ADCY10: variants seen among roughly 807,000 people sequenced by gnomAD.
ADCY10 encodes the protein adenylate cyclase 10.
Under a neutral mutation model 183.3 loss-of-function variants are expected in ADCY10, and 156 were observed. The observed-to-expected ratio is 0.85, with a 90% confidence interval of 0.75 to 0.97. ADCY10 has a LOEUF of 0.97. ADCY10 is among the 50% of genes least tolerant of loss of function. The pLI, the probability that ADCY10 is intolerant of heterozygous loss-of-function variation, is 0.00. For missense variants in ADCY10, 1,745 were observed against 1,934.3 expected (o/e 0.90, Z 1.84); for synonymous variants, 645 against 670.0 (o/e 0.96, Z 0.58).
chr1:167,862,609 C>A (rs1045468623), intron 14 of ADCY10, among the ~76,000 whole-genome samples: 1 of 152,090 alleles, frequency 6.6e-6, no homozygotes, highest in South Asian at 2.1e-4. Flanking sequence ...ACAGAGGCCC[C>A]GGCTAGTGAA....
intron 9 of ADCY10, among the ~76,000 whole-genome samples, chr1:167,882,088 G>T (rs1225099165): frequency 6.6e-6 from 1 of 152,182 alleles, no homozygotes; most frequent in Non-Finnish European, 1.5e-5. Flanking sequence ...GTAATTAAGT[G>T]CTCTGCTTTT....
intron 6 of ADCY10, 123 bp downstream of exon 6, chr1:167,899,300 C>G: frequency 1.0e-6 from 1 of 964,388 alleles, no homozygotes; most frequent in South Asian, 1.4e-5. Flanking sequence ...CTAACCCAGA[C>G]TGACCCCATC....
At chr1:167,899,344 C>T (rs1017195678) in intron 6 of ADCY10, 79 bp downstream of exon 6, 20 of 1,402,016 alleles carry the variant, frequency 1.4e-5, no homozygotes, top group South Asian at 5.9e-5. Flanking sequence ...ATGAAACCAG[C>T]GTGCCCAGTG....
intron 21 of ADCY10, among the ~76,000 whole-genome samples, chr1:167,839,014 TCCATCTTCACTACAGCA>T (rs1293331511): frequency 6.6e-6 from 1 of 152,208 alleles, no homozygotes; most frequent in African/African-American, 2.4e-5. Context: ...TCGTCTTCTG[TCCATCTTCACTACAGCA>T]CCACCTCAGT....
intron 12 of ADCY10, among the ~76,000 whole-genome samples, chr1:167,876,843 C>A (rs751611651): frequency 1.3e-5 from 2 of 152,148 alleles, no homozygotes; most frequent in Non-Finnish European, 2.9e-5. Flanking sequence ...TAGGAAGAGG[C>A]TTGAAAAATG....
At chr1:167,855,517 G>A (rs1019026330) in intron 17 of ADCY10, among the ~76,000 whole-genome samples, 3 of 152,126 alleles carry the variant, frequency 2.0e-5, no homozygotes, top group Non-Finnish European at 2.9e-5. Flanking sequence ...GGTCTTTAAC[G>A]CTTACCAGTT....
At position 167,856,882 on chromosome 1, in the gene ADCY10, G is replaced by A. The variant is rs552918496; in HGVS notation, c.1897-443C>T. 3.3e-5 allele frequency among the ~76,000 whole-genome samples: 5 copies of A among 152,298 alleles called. No individual in the cohort carries two copies. In the East Asian group the frequency reaches 9.6e-4, roughly 29 times the overall value. On this transcript the variant is annotated intron_variant, in intron 16 of 32. Coordinates refer to ENST00000367851, the MANE Select transcript of ADCY10 (RefSeq NM_018417.6). ...CACATGCTTACTGAGCACCCCCTGG[G>A]CTAGGTGCTGAACAAAACTAGTCCT... is the stretch of plus-strand genomic sequence containing the variant.
At chr1:167,835,191 A>G (rs1362285766) in intron 23 of ADCY10, among the ~76,000 whole-genome samples, 1 of 152,202 alleles carries the variant, frequency 6.6e-6, no homozygotes, top group Non-Finnish European at 1.5e-5. Flanking sequence ...AAGTGAGTTC[A>G]TGGAAGGTTA....
At position 167,809,627 on chromosome 1, in the gene ADCY10, T is replaced by C. The variant is rs369689948; in HGVS notation, c.*51A>G. On this transcript the variant is annotated 3_prime_UTR_variant, in exon 33 of 33. Transcript: ENST00000367851. ...GCCAGCCACGGAGAAAGGTCAATAA[T>C]AGATAATCACAAGGACATAGTGCTT... is the stretch of plus-strand genomic sequence containing the variant. 1.9e-5 allele frequency: 31 copies of C among 1,599,610 alleles called. No homozygotes were observed. Among genetic ancestry groups the C allele is most frequent in the Non-Finnish European group, 2.5e-5 (29 of 1,167,018 alleles).
chr1:167,899,008 A>G (rs1267750568), intron 6 of ADCY10, among the ~76,000 whole-genome samples: 2 of 152,108 alleles, frequency 1.3e-5, no homozygotes, highest in Non-Finnish European at 2.9e-5. Context: ...GCACTTGCTC[A>G]ACTCCAACCT....
chr1:167,833,465 G>A (rs1663931504), intron 24 of ADCY10, among the ~76,000 whole-genome samples: 1 of 152,212 alleles, frequency 6.6e-6, no homozygotes, highest in Admixed American at 6.5e-5. Context: ...GTCAACCTGG[G>A]CCGGGCACGG....
chr1:167,824,575 G>C lies in ADCY10; in HGVS notation c.3956-3C>G. 6.2e-7 allele frequency: 1 copy of C among 1,614,148 alleles called. No individual in the cohort carries two copies. Among genetic ancestry groups the C allele is most frequent in the Non-Finnish European group, 8.5e-7 (1 of 1,180,010 alleles). On this transcript the variant is annotated splice_polypyrimidine_tract_variant and splice_region_variant and intron_variant, in intron 27 of 32. Coordinates refer to ENST00000367851, the MANE Select transcript of ADCY10 (RefSeq NM_018417.6). ...CCACATCTGAAGGGCTCGGGAGCCT[G>C]GGAAGAAAACAATTCCAGTATATTG...
intron 31 of ADCY10, among the ~76,000 whole-genome samples, chr1:167,817,551 TTG>T (rs1662607120): frequency 6.6e-6 from 1 of 152,182 alleles, no homozygotes; most frequent in Non-Finnish European, 1.5e-5. Context: ...GGTGTTTAAT[TTG>T]CTCACTCTTG....
chr1:167,892,380 G>C (rs1668659292), intron 8 of ADCY10, among the ~76,000 whole-genome samples: 1 of 152,084 alleles, frequency 6.6e-6, no homozygotes, highest in Admixed American at 6.5e-5. Flanking sequence ...CTCTTCTTTG[G>C]GTTCAGGGTC....
At chr1:167,842,770 G>A (rs1018745709) in intron 21 of ADCY10, among the ~76,000 whole-genome samples, 3 of 152,052 alleles carry the variant, frequency 2.0e-5, no homozygotes, top group African/African-American at 7.2e-5. Flanking sequence ...GCCGAGGAGT[G>A]GTGTAACAGA....
intron 1 of ADCY10, among the ~76,000 whole-genome samples, chr1:167,905,709 T>G (rs1342573968): frequency 6.6e-6 from 1 of 152,008 alleles, no homozygotes; most frequent in Non-Finnish European, 1.5e-5. Flanking sequence ...AGGTATAATG[T>G]TAAATAAATG....
chr1:167,816,170 G>A (rs577797312), intron 31 of ADCY10, among the ~76,000 whole-genome samples: 1 of 152,200 alleles, frequency 6.6e-6, no homozygotes, highest in East Asian at 1.9e-4. Flanking sequence ...GATCCAGGAA[G>A]CTCGCAGAAC....
Position 167,844,779 on chromosome 1 carries a change from AT to A in ADCY10, c.3007+783del, listed in dbSNP as rs1202164664. On this transcript the variant is annotated intron_variant, in intron 21 of 32. Coordinates refer to ENST00000367851, the MANE Select transcript of ADCY10 (RefSeq NM_018417.6). Reference sequence around the variant, plus strand: ...GATACATTTCTTCCTGATTTTTAATATCCTTATAATATAGGAGTCCTCTACT... The same window carrying A: ...GATACATTTCTTCCTGATTTTTAATACCTTATAATATAGGAGTCCTCTACT... 7.2e-5 allele frequency among the ~76,000 whole-genome samples: 11 copies of A among 152,268 alleles called. No homozygotes were observed. In the East Asian group the frequency reaches 1.9e-3, roughly 27 times the overall value.
chr1:167,828,239 T>C (rs1456688868), intron 26 of ADCY10, among the ~76,000 whole-genome samples: 1 of 152,254 alleles, frequency 6.6e-6, no homozygotes, highest in African/African-American at 2.4e-5. Context: ...TATTATGCTG[T>C]TACTAGACAA....
Sources: gnomAD v4.1 joint callset for allele counts (sites outside exome capture counted in the v4.1 genomes callset) on GRCh38, gnomAD v4.1.1 for gene constraint, MANE v1.5 for transcripts, NCBI Gene and HGNC (gene_info 2026-07-23, HGNC 2026-07-21) for gene names.